Variants in GSDMC observed in about 807,000 individuals in gnomAD.
GSDMC encodes the protein gasdermin-C.
A neutral mutation model predicts 58.0 loss-of-function variants in GSDMC; 59 were observed. That is an observed-to-expected ratio of 1.02 (90% CI 0.82 to 1.26). The LOEUF (loss-of-function observed/expected upper bound fraction) is 1.26. Ranked by LOEUF, GSDMC falls within the 50% of genes most tolerant of loss-of-function variation. GSDMC has a pLI of 0.00. For synonymous variants in GSDMC, 241 were observed against 220.2 expected (o/e 1.09, Z -0.83); for missense variants, 659 against 598.5 (o/e 1.10, Z -1.06).
At chr8:129,734,891 C>T in the GSDMC span, among the ~76,000 whole-genome samples, 5 of 152,078 alleles carry the variant, frequency 3.3e-5, no homozygotes, top group Non-Finnish European at 5.9e-5. Context: ...AGTCAAGACC[C>T]ATCAGTGTGC....
At chr8:129,741,080 A>C in the GSDMC span, among the ~76,000 whole-genome samples, 1 of 152,056 alleles carries the variant, frequency 6.6e-6, no homozygotes, top group Non-Finnish European at 1.5e-5. Flanking sequence ...AGTTTTCCCA[A>C]TACCATTTAT....
the GSDMC span, among the ~76,000 whole-genome samples, chr8:129,735,706 C>A: frequency 7.2e-5 from 11 of 152,110 alleles, no homozygotes; most frequent in East Asian, 9.7e-4. Context: ...AGAAAGCAGG[C>A]AAGATCTAAA....
chr8:129,742,617 G>A, the GSDMC span, among the ~76,000 whole-genome samples: 17,576 of 151,942 alleles, frequency 0.12, 1,305 homozygotes, highest in East Asian at 0.31. Flanking sequence ...CATTCAACTC[G>A]AGGAGGTTCT....
chr8:129,781,090 AC>A (rs905973765), intron 1 of GSDMC, among the ~76,000 whole-genome samples: 1 of 152,228 alleles, frequency 6.6e-6, no homozygotes, highest in Non-Finnish European at 1.5e-5. Context: ...AGTGAAGATT[AC>A]CTTCACTAAA....
At chr8:129,763,643 C>A (rs1003693309) in intron 4 of GSDMC, among the ~76,000 whole-genome samples, 1 of 152,196 alleles carries the variant, frequency 6.6e-6, no homozygotes, top group Non-Finnish European at 1.5e-5. Flanking sequence ...GTGGCACAAT[C>A]ATGGCTCACA....
intron 3 of GSDMC, among the ~76,000 whole-genome samples, chr8:129,769,291 C>T (rs2033974265): frequency 1.3e-5 from 2 of 152,232 alleles, no homozygotes; most frequent in South Asian, 2.1e-4. Context: ...AAAAGCTACT[C>T]ATTACATACA....
intron 3 of GSDMC, among the ~76,000 whole-genome samples, chr8:129,767,519 G>A (rs187327798): frequency 1.4e-5 from 2 of 144,620 alleles, no homozygotes; most frequent in East Asian, 3.9e-4. Context: ...AGCTCTGCCT[G>A]CAACCACACA....
chr8:129,742,438 C>A, the GSDMC span, among the ~76,000 whole-genome samples: 1 of 152,110 alleles, frequency 6.6e-6, no homozygotes, highest in Non-Finnish European at 1.5e-5. Context: ...AACAAAAAAT[C>A]TGTTCAATAA....
At chr8:129,754,441 T>G (rs2033349173) in intron 6 of GSDMC, among the ~76,000 whole-genome samples, 1 of 152,064 alleles carries the variant, frequency 6.6e-6, no homozygotes, top group African/African-American at 2.4e-5. Flanking sequence ...CACAGAGATA[T>G]CAAACAGGAA....
At chr8:129,755,955 G>A (rs2033412884) in intron 6 of GSDMC, among the ~76,000 whole-genome samples, 1 of 148,948 alleles carries the variant, frequency 6.7e-6, no homozygotes. Flanking sequence ...AAGAAAAGAA[G>A]GCCAGAAAAC....
At chr8:129,781,478 C>A (rs2034407668) in intron 1 of GSDMC, among the ~76,000 whole-genome samples, 1 of 152,224 alleles carries the variant, frequency 6.6e-6, no homozygotes, top group Admixed American at 6.5e-5. Context: ...GACGCGATGG[C>A]TCACGCCTGT....
chr8:129,760,589 G>A lies in GSDMC; in HGVS notation c.677C>T (p.Ala226Val). ...TTCATCATCATCTGAGATGAGAATGGCTGAATGGAAAAGAAGAACTTCCAT... is the reference window on the plus strand; with the variant it reads ...TTCATCATCATCTGAGATGAGAATGACTGAATGGAAAAGAAGAACTTCCAT... Reference protein sequence around the residue: ...KRKQLVIKEKAILISDDDEQR... With the variant: ...KRKQLVIKEKVILISDDDEQR... The change falls in exon 6 of 14, where the codon GCC becomes GTC. Residue 226 changes from alanine (A) to valine (V), a missense_variant and splice_region_variant. By Grantham distance (64) the Ala-to-Val change is moderately conservative. Transcript: ENST00000276708. The A allele has an allele frequency of 6.3e-7, 1 of 1,586,314 alleles. No homozygotes were observed. Among genetic ancestry groups the A allele is most frequent in the Non-Finnish European group, 8.7e-7 (1 of 1,155,412 alleles).
the GSDMC span, among the ~76,000 whole-genome samples, chr8:129,712,000 C>T: frequency 6.6e-6 from 1 of 152,146 alleles, no homozygotes; most frequent in African/African-American, 2.4e-5. Flanking sequence ...CACACATCCA[C>T]AGTACCAGCT....
intron 1 of GSDMC, among the ~76,000 whole-genome samples, chr8:129,781,430 T>C (rs751313306): frequency 6.6e-6 from 1 of 152,130 alleles, no homozygotes; most frequent in Non-Finnish European, 1.5e-5. Context: ...GCTAAAGAGA[T>C]AGACCCCAAT....
intron 6 of GSDMC, 34 bp downstream of exon 6, chr8:129,760,511 T>TA (rs776961015): frequency 1.4e-5 from 19 of 1,382,482 alleles, no homozygotes; most frequent in East Asian, 2.3e-5. Context: ...CTCATAAAAA[T>TA]AAAAAAATAA....
intron 6 of GSDMC, among the ~76,000 whole-genome samples, chr8:129,754,038 CA>C (rs1563791328): frequency 6.6e-6 from 1 of 152,248 alleles, no homozygotes; most frequent in Non-Finnish European, 1.5e-5. Flanking sequence ...AGCTCCCAAA[CA>C]GCATCTCTGT....
the GSDMC span, among the ~76,000 whole-genome samples, chr8:129,710,613 G>A: frequency 3.9e-5 from 6 of 152,294 alleles, no homozygotes; most frequent in East Asian, 1.2e-3. Context: ...ACCTGACTTT[G>A]TTCTTATCTT....
chr8:129,755,747 T>A (rs921514884), intron 6 of GSDMC, among the ~76,000 whole-genome samples: 1 of 152,128 alleles, frequency 6.6e-6, no homozygotes, highest in African/African-American at 2.4e-5. Context: ...TTATTAGGTT[T>A]CTTTTTGCCT....
the GSDMC span, among the ~76,000 whole-genome samples, chr8:129,735,590 G>T: frequency 2.0e-5 from 3 of 152,168 alleles, no homozygotes; most frequent in Non-Finnish European, 2.9e-5. Flanking sequence ...CAGAAATAAA[G>T]ATGTTCTTTG....
Sources: gnomAD v4.1 joint callset for allele counts (sites outside exome capture counted in the v4.1 genomes callset) on GRCh38, gnomAD v4.1.1 for gene constraint, MANE v1.5 for transcripts, NCBI Gene and HGNC (gene_info 2026-07-23, HGNC 2026-07-21) for gene names.